NUP160: variants seen among roughly 807,000 people sequenced by gnomAD.
NUP160 encodes nucleoporin 160, also known as nuclear pore complex protein Nup160.
Under a neutral mutation model 196.9 loss-of-function variants are expected in NUP160, and 94 were observed. The observed-to-expected ratio is 0.48, with a 90% CI of 0.40 to 0.57. NUP160 has a LOEUF of 0.57. NUP160 is among the 20% of genes least tolerant of loss of function. The probability of loss-of-function intolerance (pLI) is 0.00; values close to 1 mark genes in which losing one functional copy is unlikely to be tolerated. For synonymous variants in NUP160, 605 were observed against 619.7 expected (o/e 0.98, Z 0.35); for missense variants, 1,638 against 1,748.3 (o/e 0.94, Z 1.13).
chr11:47,840,476 A>G (rs752250656), exon 3 of NUP160: 8 of 1,614,192 alleles, frequency 5.0e-6, no homozygotes, highest in Non-Finnish European at 6.8e-6. Context: ...TCAGAGACAT[A>G]AACCCCTCCA....
rs772089413 is a variant in NUP160, at chr11:47,813,299, A to G, written c.1786+17T>C. ...TATAGGAAGGGGATTAAATATGGAC[A>G]TAACAATTACTATTACCATCAGATA... is the stretch of plus-strand genomic sequence containing the variant. On this transcript the variant is annotated intron_variant, in intron 14 of 35. Transcript: ENST00000378460. 2.0e-6 allele frequency: 3 copies of G among 1,509,836 alleles called. No individual in the cohort carries two copies. The highest frequency in any genetic ancestry group is 4.5e-5 in the East Asian group (2 of 44,390). The allele number at this position is 1,509,836 out of a possible 1,614,324, so 93.5% of individuals were successfully genotyped here. A position where few individuals can be genotyped will look rare whatever the true frequency, so the allele number is the denominator to read the frequency against.
At chr11:47,837,746 G>C (rs1056031592) in intron 4 of NUP160, 123 bp from the exon 5 acceptor site, 1 of 678,254 alleles carries the variant, frequency 1.5e-6, no homozygotes, top group Non-Finnish European at 2.6e-6. Flanking sequence ...ACTAACAAAG[G>C]TTTAGGATGT....
At chr11:47,843,998 GT>G (rs1852354177) in intron 2 of NUP160, among the ~76,000 whole-genome samples, 1 of 152,164 alleles carries the variant, frequency 6.6e-6, no homozygotes, top group Non-Finnish European at 1.5e-5. Flanking sequence ...TCACCTATAC[GT>G]TTTTCCATCG....
At chr11:47,823,763 C>T (rs1851909426) in intron 7 of NUP160, among the ~76,000 whole-genome samples, 1 of 151,858 alleles carries the variant, frequency 6.6e-6, no homozygotes, top group Non-Finnish European at 1.5e-5. Context: ...TCTTGATCTC[C>T]TGACCTTGTG....
At chr11:47,847,648 T>TGGGGGGGGGGGGGGG (rs56283744) in intron 2 of NUP160, among the ~76,000 whole-genome samples, 200 bp downstream of exon 2, 14 of 77,488 alleles carry the variant, frequency 1.8e-4, no homozygotes, top group East Asian at 3.7e-4. Flanking sequence ...TGTGTGGGGG[T>TGGGGGGGGGGGGGGG]GGGGGGGGGG....
Position 47,821,824 on chromosome 11 carries a change from AG to A in NUP160, c.1180-4del. ...AAGGCAAAGTCAATCAGTGTCTCCT[AG>A]GAGGAAATGTGGGAAAAAAAGGGAT... On this transcript the variant is annotated splice_region_variant and splice_polypyrimidine_tract_variant and intron_variant, in intron 8 of 35. Transcript: ENST00000378460. 1 of 1,610,454 alleles carries A rather than the reference AG, an allele frequency of 6.2e-7. No homozygotes were observed. The highest frequency in any genetic ancestry group is 2.2e-5 in the East Asian group (1 of 44,864).
intron 35 of NUP160, 107 bp downstream of exon 35, chr11:47,780,236 G>T: frequency 2.6e-6 from 2 of 781,894 alleles, no homozygotes; most frequent in Admixed American, 2.2e-5. Context: ...GCCAAAAATA[G>T]GCTTTTGTCT....
intron 7 of NUP160, among the ~76,000 whole-genome samples, chr11:47,831,828 G>GCGAGACT (rs1307943463): frequency 3.1e-5 from 3 of 95,584 alleles, no homozygotes; most frequent in Non-Finnish European, 5.6e-5. Flanking sequence ...TAGTGACAAA[G>GCGAGACT]CGAGACTCTC....
chr11:47,792,425 C>T (rs2097668414), intron 28 of NUP160: 1 of 223,510 alleles, frequency 4.5e-6, no homozygotes, highest in Non-Finnish European at 8.7e-6. Flanking sequence ...GGCACTGTTA[C>T]TGTTCTAAGC....
intron 31 of NUP160, among the ~76,000 whole-genome samples, chr11:47,787,688 C>CA (rs990920724): frequency 9.9e-5 from 15 of 151,524 alleles, no homozygotes; most frequent in African/African-American, 3.6e-4. Context: ...AGTAGGATTA[C>CA]AGATGTGAGC....
intron 7 of NUP160, among the ~76,000 whole-genome samples, chr11:47,834,054 G>C (rs1852125042): frequency 6.6e-6 from 1 of 152,214 alleles, no homozygotes; most frequent in Non-Finnish European, 1.5e-5. Flanking sequence ...TGGAGGTGAG[G>C]TGGTCTTGGG....
rs1565195160 is a variant in NUP160 at position 47,806,315 on chromosome 11, TA to T, written c.2447-4del. On this transcript the variant is annotated splice_region_variant and splice_polypyrimidine_tract_variant and intron_variant, in intron 19 of 35. Coordinates refer to ENST00000378460, the Ensembl canonical transcript of NUP160. ...CACAATAGTCTGAGGACTAGATACT[TA>T]AAAAGAAAAAGTTATGACAGTTTTG... 1 of 1,603,382 alleles carries T rather than the reference TA, an allele frequency of 6.2e-7. No individual in the cohort carries two copies. Among genetic ancestry groups the T allele is most frequent in the East Asian group, 2.2e-5 (1 of 44,776 alleles).
intron 9 of NUP160, among the ~76,000 whole-genome samples, chr11:47,820,815 A>G (rs1338240822): frequency 6.6e-6 from 1 of 152,140 alleles, no homozygotes; most frequent in African/African-American, 2.4e-5. Context: ...CTCCCAAAGT[A>G]CTGGGATTAC....
intron 2 of NUP160, among the ~76,000 whole-genome samples, chr11:47,847,339 T>A (rs1366986601): frequency 6.6e-6 from 1 of 152,162 alleles, no homozygotes; most frequent in South Asian, 2.1e-4. Context: ...TAGCCTCTCA[T>A]AACCCGTATA....
At chr11:47,828,473 G>T (rs577268347) in intron 7 of NUP160, among the ~76,000 whole-genome samples, 1 of 152,270 alleles carries the variant, frequency 6.6e-6, no homozygotes, top group African/African-American at 2.4e-5. Context: ...CCATGTTCAT[G>T]GATCAGAAGA....
chr11:47,809,127 AGTG>A (rs2097679497), intron 17 of NUP160, among the ~76,000 whole-genome samples: 2 of 151,408 alleles, frequency 1.3e-5, no homozygotes, highest in African/African-American at 4.9e-5. Context: ...AATTAGCCTG[AGTG>A]GTGGTATGTG....
At chr11:47,819,312 C>CAA (rs398040227) in intron 10 of NUP160, 62 bp downstream of exon 10, 17,276 of 1,040,228 alleles carry the variant, frequency 0.017, 273 homozygotes, top group African/African-American at 0.11. Flanking sequence ...GACTCTGTCT[C>CAA]AAAAAAAAAA....
chr11:47,824,478 C>A (rs917064992), intron 7 of NUP160, among the ~76,000 whole-genome samples: 1 of 151,730 alleles, frequency 6.6e-6, no homozygotes, highest in East Asian at 1.9e-4. Context: ...GGCGCAGTGG[C>A]ACGTACCTGT....
At position 47,828,360 on chromosome 11, in the gene NUP160, T is replaced by C. The variant is rs116382011; in HGVS notation, c.1102-6196A>G. On this transcript the variant is annotated intron_variant, in intron 7 of 35. Coordinates refer to ENST00000378460, the Ensembl canonical transcript of NUP160. The stretch of plus-strand genomic sequence containing the variant: ...ATTAAGAAAATAATTTCGTTTATAA[T>C]AGCATCAAGAAAATTTCATTTACAA... 8.1e-3 allele frequency among the ~76,000 whole-genome samples: 1,229 copies of C among 152,278 alleles called. 18 individuals carry two copies. The highest frequency in any genetic ancestry group is 0.027 in the African/African-American group (1,138 of 41,554).
Sources: allele counts gnomAD v4.1 joint callset (sites outside exome capture counted in the v4.1 genomes callset), GRCh38; gene constraint gnomAD v4.1.1; transcripts MANE v1.5; gene names NCBI Gene and HGNC (gene_info 2026-07-23, HGNC 2026-07-21).